Variants in ZNF536 observed in about 807,000 individuals in gnomAD.
ZNF536 encodes the protein zinc finger protein 536.
In ZNF536, 13 loss-of-function variants were observed where a neutral mutation model predicts 84.5. That is an observed-to-expected ratio of 0.15 (90% CI 0.10 to 0.24). The LOEUF (loss-of-function observed/expected upper bound fraction) is 0.24, where lower values mean the gene tolerates loss of function less well. ZNF536 is among the 10% of genes least tolerant of loss of function. The pLI is 1.00. For synonymous variants in ZNF536, 811 were observed against 742.5 expected (o/e 1.09, Z -1.50); for missense variants, 1,536 against 1,747.5 (o/e 0.88, Z 2.16).
At chr19:30,668,260 G>C (rs2050409074) in intron 1 of ZNF536, among the ~76,000 whole-genome samples, 1 of 152,074 alleles carries the variant, frequency 6.6e-6, no homozygotes, top group South Asian at 2.1e-4. Flanking sequence ...TCCACAGTGG[G>C]GGCTCCTGAC....
At chr19:30,234,796 C>T (rs1305980865) in intron 1 of ZNF536, among the ~76,000 whole-genome samples, 4 of 151,986 alleles carry the variant, frequency 2.6e-5, no homozygotes, top group Middle Eastern at 3.2e-3. Context: ...CCCCACACCA[C>T]GAAGTAGCTT....
chr19:30,426,591 C>T (rs535971293), intron 1 of ZNF536, among the ~76,000 whole-genome samples: 63 of 152,326 alleles, frequency 4.1e-4, no homozygotes, highest in East Asian at 3.9e-3. Context: ...TTCACATCCC[C>T]GAGGGTGGCA....
At chr19:30,418,069 A>G (rs764859295) in intron 1 of ZNF536, among the ~76,000 whole-genome samples, 11 of 151,678 alleles carry the variant, frequency 7.3e-5, no homozygotes, top group Non-Finnish European at 1.5e-4. Context: ...TGATATAAGT[A>G]TATTTTCATG....
chr19:30,574,525 A>C (rs2046661561), intron 1 of ZNF536, among the ~76,000 whole-genome samples: 1 of 152,262 alleles, frequency 6.6e-6, no homozygotes, highest in East Asian at 1.9e-4. Context: ...CTGATGCCCA[A>C]GGTCCAGCCA....
chr19:30,671,089 C>A (rs1440281355), intron 1 of ZNF536, among the ~76,000 whole-genome samples: 1 of 152,216 alleles, frequency 6.6e-6, no homozygotes, highest in Non-Finnish European at 1.5e-5. Context: ...GTGAGGCTCA[C>A]CACAAGCCCT....
At chr19:30,621,724 T>C (rs984398262) in intron 1 of ZNF536, among the ~76,000 whole-genome samples, 1 of 152,236 alleles carries the variant, frequency 6.6e-6, no homozygotes, top group African/African-American at 2.4e-5. Flanking sequence ...TCCCACAGGC[T>C]GGGTGGATGC....
intron 1 of ZNF536, among the ~76,000 whole-genome samples, chr19:30,260,812 T>TC: frequency 6.6e-6 from 1 of 152,196 alleles, no homozygotes; most frequent in Non-Finnish European, 1.5e-5. Flanking sequence ...GGCATGGCCT[T>TC]CATACCCCCA....
At chr19:30,621,709 C>A (rs149555505) in intron 1 of ZNF536, among the ~76,000 whole-genome samples, 1 of 152,194 alleles carries the variant, frequency 6.6e-6, no homozygotes, top group African/African-American at 2.4e-5. Flanking sequence ...GGGTGGGAGC[C>A]GGTGTCCCAC....
chr19:30,574,337 G>T (rs2146588600), intron 1 of ZNF536, among the ~76,000 whole-genome samples: 1 of 152,336 alleles, frequency 6.6e-6, no homozygotes, highest in Non-Finnish European at 1.5e-5. Context: ...AAGAAAAGAA[G>T]CCAGGATCCC....
intron 1 of ZNF536, among the ~76,000 whole-genome samples, chr19:30,578,759 C>T (rs142556197): frequency 2.6e-5 from 4 of 152,348 alleles, no homozygotes; most frequent in African/African-American, 4.8e-5. Context: ...CACTGCTCAC[C>T]GTAGGCTTGA....
At chr19:30,372,240 C>A (rs1600433654), upstream of ZNF536, among the ~76,000 whole-genome samples, 1 of 152,150 alleles carries the variant, frequency 6.6e-6, no homozygotes, top group Admixed American at 6.5e-5. Flanking sequence ...GGGGTTAGCA[C>A]CAGTGAGCAG....
At chr19:30,508,820 CT>C (rs914349353) in intron 2 of ZNF536, among the ~76,000 whole-genome samples, 224 of 68,796 alleles carry the variant, frequency 3.3e-3, no homozygotes, top group East Asian at 0.013. Context: ...TTCTTTCTTT[CT>C]TTTTTTTTTT....
chr19:30,700,147 CTTCTTTCCTTCTTTCTT>C (rs758190420), intron 1 of ZNF536, among the ~76,000 whole-genome samples: 60 of 103,808 alleles, frequency 5.8e-4, no homozygotes, highest in Non-Finnish European at 9.4e-4. Context: ...CCTTCCTTCC[CTTCTTTCCTTCTTTCTT>C]TTCTTTCCTT....
intron 2 of ZNF536, among the ~76,000 whole-genome samples, chr19:30,469,648 C>T (rs1255851860): frequency 6.6e-6 from 1 of 152,206 alleles, no homozygotes; most frequent in African/African-American, 2.4e-5. Flanking sequence ...TGAAGCCATG[C>T]ACAGGTGTAC....
chr19:30,412,226 CT>C (rs34487388), intron 1 of ZNF536, among the ~76,000 whole-genome samples: 88 of 151,240 alleles, frequency 5.8e-4, no homozygotes, highest in African/African-American at 1.9e-3. Context: ...CTCATAACTT[CT>C]TTTTTTTTCC....
intron 1 of ZNF536, among the ~76,000 whole-genome samples, chr19:30,383,763 CT>C (rs146287856): frequency 3.4e-4 from 28 of 83,334 alleles, no homozygotes; most frequent in South Asian, 1.4e-3. Flanking sequence ...CTTTCTCTTT[CT>C]TTCTTTCTTT....
At chr19:30,459,263 G>A (rs2053018789) in intron 2 of ZNF536, among the ~76,000 whole-genome samples, 1 of 146,332 alleles carries the variant, frequency 6.8e-6, no homozygotes, top group African/African-American at 2.5e-5. Flanking sequence ...CCCATTGAAT[G>A]TTTATTTCAT....
At chr19:30,234,434 A>T (rs1245578280) in intron 1 of ZNF536, among the ~76,000 whole-genome samples, 1 of 104,708 alleles carries the variant, frequency 9.6e-6, no homozygotes, top group Non-Finnish European at 1.7e-5. Context: ...ACAGAGTCTT[A>T]CTCTGTCCCC....
At chr19:30,435,830 C>T (rs957507436) in intron 1 of ZNF536, among the ~76,000 whole-genome samples, 2 of 152,130 alleles carry the variant, frequency 1.3e-5, no homozygotes, top group Non-Finnish European at 2.9e-5. Flanking sequence ...TCTTTTCCAT[C>T]TGATGTTGTT....
Sources: allele counts gnomAD v4.1 joint callset (sites outside exome capture counted in the v4.1 genomes callset), GRCh38; gene constraint gnomAD v4.1.1; transcripts MANE v1.5; gene names NCBI Gene and HGNC (gene_info 2026-07-23, HGNC 2026-07-21).